Variants in PLCB1 observed in about 807,000 individuals in gnomAD.
The protein encoded by PLCB1 is phospholipase C beta 1, also known as 1-phosphatidylinositol 4,5-bisphosphate phosphodiesterase beta-1.
Under a neutral mutation model 161.8 loss-of-function variants are expected in PLCB1, and 46 were observed. The ratio of observed to expected loss-of-function variants is 0.28; its 90% CI spans 0.22 to 0.36. The LOEUF (loss-of-function observed/expected upper bound fraction) is 0.36. Among genes scored for constraint, PLCB1 ranks in the 10% least tolerant of loss-of-function variants. PLCB1 has a pLI of 1.00. For missense variants in PLCB1, 1,016 were observed against 1,472.5 expected, an observed-to-expected ratio of 0.69 and a Z score of 5.07; for synonymous variants, 517 against 503.7, an observed-to-expected ratio of 1.03 and a Z score of -0.35.
intron 2 of PLCB1, among the ~76,000 whole-genome samples, chr20:8,362,022 T>C (rs1430095950): frequency 6.6e-6 from 1 of 152,192 alleles, no homozygotes; most frequent in Non-Finnish European, 1.5e-5. Context: ...CAGGCAGTAA[T>C]AGAAAATTGT....
chr20:8,308,954 T>C (rs1235997254), intron 2 of PLCB1, among the ~76,000 whole-genome samples: 2 of 152,192 alleles, frequency 1.3e-5, no homozygotes, highest in African/African-American at 4.8e-5. Flanking sequence ...CTCAGATTTG[T>C]TGACTTAAAA....
At chr20:8,397,930 C>T (rs573080582) in intron 3 of PLCB1, among the ~76,000 whole-genome samples, 1 of 151,560 alleles carries the variant, frequency 6.6e-6, no homozygotes, top group Non-Finnish European at 1.5e-5. Context: ...TTTTTAAATG[C>T]CTTCCTTTAC....
chr20:8,668,335 C>T lies in PLCB1; in HGVS notation c.862+9631C>T, dbSNP rs1042692555. Among the ~76,000 whole-genome samples the T allele has an allele frequency of 3.3e-5, 5 of 152,112 alleles. No homozygotes were observed. The East Asian group carries it at 5.8e-4, about 18-fold the overall frequency. On this transcript the variant is annotated intron_variant, in intron 9 of 31. Coordinates refer to ENST00000338037, the MANE Select transcript of PLCB1 (RefSeq NM_015192.4). ...TCTTAACTCTGAATCACTACAGTCTCTAGGATGCCAGCTGTGACAGCAAAG... is the reference window on the plus strand; with the variant it reads ...TCTTAACTCTGAATCACTACAGTCTTTAGGATGCCAGCTGTGACAGCAAAG...
At position 8,177,102 on chromosome 20, in the gene PLCB1, T is replaced by C. The variant is rs569939397; in HGVS notation, c.177+26731T>C. On this transcript the variant is annotated intron_variant, in intron 2 of 31. Coordinates refer to ENST00000338037, the MANE Select transcript of PLCB1 (RefSeq NM_015192.4). ...GCAAATGGCTGACAGATTTAACTCT[T>C]ATGTTTTTGTCCCCCCAAAAAATCA... Among the ~76,000 whole-genome samples the C allele has an allele frequency of 3.6e-4, 55 of 152,108 alleles. 1 individual carries two copies. Among genetic ancestry groups the C allele is most frequent in the African/African-American group, 1.3e-3 (54 of 41,404 alleles).
At chr20:8,723,800 A>G (rs1979778491) in intron 15 of PLCB1, among the ~76,000 whole-genome samples, 2 of 152,092 alleles carry the variant, frequency 1.3e-5, no homozygotes, top group Admixed American at 6.6e-5. Context: ...AACGCGAGCC[A>G]TTAATCCCTG....
At chr20:8,345,097 G>A (rs1159206060) in intron 2 of PLCB1, among the ~76,000 whole-genome samples, 1 of 152,154 alleles carries the variant, frequency 6.6e-6, no homozygotes, top group Non-Finnish European at 1.5e-5. Flanking sequence ...GAAAAGTAAA[G>A]AAGCTTCAAA....
chr20:8,165,223 T>G (rs896625806), intron 2 of PLCB1, among the ~76,000 whole-genome samples: 6 of 152,192 alleles, frequency 3.9e-5, no homozygotes, highest in African/African-American at 1.2e-4. Context: ...GAATATAAGT[T>G]TTTGGCAATG....
chr20:8,269,562 GT>G (rs1982168256), intron 2 of PLCB1, among the ~76,000 whole-genome samples: 1 of 152,118 alleles, frequency 6.6e-6, no homozygotes, highest in Non-Finnish European at 1.5e-5. Context: ...CCTAATGCCA[GT>G]AAAATGGAGT....
chr20:8,515,641 A>G (rs185327254), intron 3 of PLCB1, among the ~76,000 whole-genome samples: 98 of 152,284 alleles, frequency 6.4e-4, no homozygotes, highest in Non-Finnish European at 1.1e-3. Flanking sequence ...GAAATAATTT[A>G]TTGTCTGGTT....
intron 2 of PLCB1, among the ~76,000 whole-genome samples, chr20:8,200,361 A>G (rs970545665): frequency 3.9e-5 from 6 of 152,012 alleles, no homozygotes; most frequent in Middle Eastern, 3.2e-3. Flanking sequence ...CCTGGAGTCA[A>G]TTTCTATGTT....
At chr20:8,761,508 A>G (rs1323059606) in intron 25 of PLCB1, among the ~76,000 whole-genome samples, 1 of 152,192 alleles carries the variant, frequency 6.6e-6, no homozygotes, top group Non-Finnish European at 1.5e-5. Context: ...AAAAGAAAAC[A>G]AAACATGGTT....
At chr20:8,280,111 G>T (rs913344843) in intron 2 of PLCB1, among the ~76,000 whole-genome samples, 1 of 152,104 alleles carries the variant, frequency 6.6e-6, no homozygotes, top group African/African-American at 2.4e-5. Context: ...TGAGGCGGGC[G>T]GATCACCTGA....
intron 31 of PLCB1, chr20:8,792,844 C>A: frequency 5.8e-6 from 2 of 347,268 alleles, no homozygotes; most frequent in Non-Finnish European, 5.6e-6. Flanking sequence ...ACAGGAGCAG[C>A]AATAGACAGT....
intron 2 of PLCB1, among the ~76,000 whole-genome samples, chr20:8,321,593 A>G (rs1600313294): frequency 6.6e-6 from 1 of 152,200 alleles, no homozygotes; most frequent in Non-Finnish European, 1.5e-5. Context: ...AATTCCTTTA[A>G]GTATTTTACC....
At chr20:8,851,217 G>A (rs960276853) in intron 31 of PLCB1, among the ~76,000 whole-genome samples, 2 of 152,188 alleles carry the variant, frequency 1.3e-5, no homozygotes, top group Non-Finnish European at 2.9e-5. Flanking sequence ...TTTAGCCACA[G>A]TCACCATCAC....
chr20:8,463,165 G>T (rs796788629), intron 3 of PLCB1, among the ~76,000 whole-genome samples: 22 of 151,488 alleles, frequency 1.5e-4, no homozygotes, highest in African/African-American at 5.3e-4. Context: ...GTGTGTGTGT[G>T]TGTGTGTGTG....
chr20:8,264,925 A>G (rs1223301666), intron 2 of PLCB1, among the ~76,000 whole-genome samples: 2 of 152,172 alleles, frequency 1.3e-5, no homozygotes, highest in Non-Finnish European at 2.9e-5. Flanking sequence ...GTAATCTGCC[A>G]ACATGTATGG....
intron 2 of PLCB1, among the ~76,000 whole-genome samples, chr20:8,222,623 A>T (rs1398019044): frequency 1.3e-5 from 2 of 152,078 alleles, no homozygotes; most frequent in East Asian, 3.9e-4. Flanking sequence ...TCTTTCACCA[A>T]ATTTGGCAAA....
intron 2 of PLCB1, among the ~76,000 whole-genome samples, chr20:8,223,040 A>C (rs1979495748): frequency 1.3e-5 from 2 of 152,286 alleles, no homozygotes; most frequent in South Asian, 4.1e-4. Flanking sequence ...GCAAACTTCC[A>C]CTGATAGGTA....
Sources: allele counts gnomAD v4.1 joint callset (sites outside exome capture counted in the v4.1 genomes callset), GRCh38; gene constraint gnomAD v4.1.1; transcripts MANE v1.5; gene names NCBI Gene and HGNC (gene_info 2026-07-23, HGNC 2026-07-21).